The following ATP6V0E1 variants were observed in gnomAD, a reference collection of about 807,000 sequenced individuals.
ATP6V0E1 encodes V-type proton ATPase subunit e 1.
In ATP6V0E1, 4 loss-of-function variants were observed where a neutral mutation model predicts 11.6. That is an observed-to-expected ratio of 0.35 (90% CI 0.17 to 0.79). The LOEUF (loss-of-function observed/expected upper bound fraction) is 0.79, where lower values mean the gene tolerates loss of function less well. Ranked by LOEUF, ATP6V0E1 falls within the 30% of genes least tolerant of loss-of-function variation. ATP6V0E1 has a pLI of 0.54. For synonymous variants in ATP6V0E1, 36 were observed against 34.8 expected (o/e 1.04, Z -0.13); for missense variants, 105 against 100.0 (o/e 1.05, Z -0.21).
At chr5:173,003,603 G>A (rs1192987884) in intron 2 of ATP6V0E1, among the ~76,000 whole-genome samples, 1 of 152,188 alleles carries the variant, frequency 6.6e-6, no homozygotes, top group Non-Finnish European at 1.5e-5. Flanking sequence ...GATCACCATG[G>A]TTTGGTCTGA....
At chr5:173,012,760 A>AC (rs1329117151) in intron 2 of ATP6V0E1, among the ~76,000 whole-genome samples, 10 of 152,158 alleles carry the variant, frequency 6.6e-5, no homozygotes, top group Non-Finnish European at 1.3e-4. Context: ...ATCTCAAAAA[A>AC]AAAAAAAAGA....
In ATP6V0E1 at chr5:173,030,441, GTTTTTTT is replaced by G. The variant is rs60654421; in HGVS notation, c.*37-3947_*37-3941del. Among the ~76,000 whole-genome samples the G allele has an allele frequency of 1.5e-3, 190 of 127,554 alleles. 1 individual carries two copies. In the East Asian group the frequency reaches 0.036, roughly 24 times the overall value. The allele number at this position is 127,554 out of a possible 152,430, so 83.7% of individuals were successfully genotyped here. On this transcript the variant is annotated intron_variant, in intron 3 of 3. Transcript: ENST00000519374. ...ATGTTATCTTCATTGTCAGTTTTTT[GTTTTTTT>G]TTTTTTTTTTGAAACAGAGTCTCAC...
intron 1 of ATP6V0E1, chr5:172,987,053 T>C: frequency 5.6e-6 from 1 of 179,476 alleles, no homozygotes; most frequent in Non-Finnish European, 1.2e-5. Flanking sequence ...CCCAAAGTGC[T>C]AGAATTACAG....
chr5:172,987,707 C>T (rs552567809), intron 1 of ATP6V0E1, among the ~76,000 whole-genome samples: 12 of 151,012 alleles, frequency 7.9e-5, no homozygotes, highest in Admixed American at 7.9e-4. Context: ...ACACATTGTA[C>T]AGCTATATAA....
chr5:173,025,547 G>T (rs1182268308), intron 3 of ATP6V0E1, among the ~76,000 whole-genome samples: 1 of 103,522 alleles, frequency 9.7e-6, no homozygotes, highest in Non-Finnish European at 1.7e-5. Flanking sequence ...CATGGTCTCT[G>T]TCACCCAGGC....
chr5:173,008,610 C>G (rs1000025058), intron 2 of ATP6V0E1, among the ~76,000 whole-genome samples: 2 of 143,980 alleles, frequency 1.4e-5, no homozygotes, highest in African/African-American at 5.0e-5. Flanking sequence ...AGTCCTTTTC[C>G]TTTTAAGAAC....
rs545439986 is a variant in ATP6V0E1, at chr5:173,016,479, GGGA to G, written c.153-3754_153-3752del. The stretch of plus-strand genomic sequence containing the variant: ...CCTGAGTGATTATAATTTGCAGCTG[GGGA>G]GGAGAACCACTCCGCTACAACATCC... On this transcript the variant is annotated intron_variant, in intron 2 of 3. Coordinates refer to ENST00000519374, the MANE Select transcript of ATP6V0E1 (RefSeq NM_003945.4). Among the ~76,000 whole-genome samples the G allele has an allele frequency of 1.4e-4, 22 of 152,304 alleles. No individual in the cohort carries two copies. The East Asian group carries it at 3.9e-3, about 27-fold the overall frequency.
chr5:173,029,667 G>C (rs1756618381), intron 3 of ATP6V0E1, among the ~76,000 whole-genome samples: 1 of 151,994 alleles, frequency 6.6e-6, no homozygotes, highest in Admixed American at 6.6e-5. Flanking sequence ...TTTTTGTTTT[G>C]TTTTGTTTTG....
At chr5:173,019,132 T>G (rs1756443643) in intron 2 of ATP6V0E1, among the ~76,000 whole-genome samples, 1 of 152,128 alleles carries the variant, frequency 6.6e-6, no homozygotes, top group Admixed American at 6.5e-5. Context: ...TTTTAAAATT[T>G]TTTTATAGAG....
intron 3 of ATP6V0E1, among the ~76,000 whole-genome samples, chr5:173,021,089 G>T (rs1044076836): frequency 1.3e-5 from 2 of 152,106 alleles, no homozygotes; most frequent in African/African-American, 4.8e-5. Context: ...TTTGGCTTCT[G>T]GTGAGGCCTC....
At chr5:173,020,046 A>G (rs1231920853) in intron 2 of ATP6V0E1, among the ~76,000 whole-genome samples, 192 bp from the exon 3 acceptor site, 5 of 152,174 alleles carry the variant, frequency 3.3e-5, no homozygotes. Context: ...ATGTCTCAAG[A>G]TGAAGGCAGG....
intron 3 of ATP6V0E1, among the ~76,000 whole-genome samples, chr5:173,026,002 A>T (rs577091856): frequency 1.0e-4 from 15 of 144,070 alleles, no homozygotes; most frequent in South Asian, 4.3e-4. Context: ...AAATAATAAT[A>T]TTTTTTTTTT....
chr5:173,008,909 T>G (rs1221673776), intron 2 of ATP6V0E1, among the ~76,000 whole-genome samples: 1 of 45,926 alleles, frequency 2.2e-5, no homozygotes, highest in African/African-American at 1.2e-4. Flanking sequence ...AGACTCTGTC[T>G]CAAAAAAAAA....
rs1040256913 is a variant in ATP6V0E1, at chr5:173,035,059, T to C, written c.*697T>C. ...GTAAGTGCGTTTCTTAATCGTTCAG[T>C]AACTATTTGAGTGCCTACTGCAGCC... On this transcript the variant is annotated 3_prime_UTR_variant, in exon 4 of 4. Coordinates refer to ENST00000519374, the MANE Select transcript of ATP6V0E1 (RefSeq NM_003945.4). The C allele has an allele frequency of 6.5e-5, 10 of 152,810 alleles. No homozygotes were observed. Among genetic ancestry groups the C allele is most frequent in the African/African-American group, 2.2e-4 (9 of 41,590 alleles). 9.5% of individuals were successfully genotyped at this position (152,810 alleles called of 1,614,324 possible). A position where few individuals can be genotyped will look rare whatever the true frequency, so the allele number is the denominator to read the frequency against.
At chr5:173,030,260 A>G (rs1756628769) in intron 3 of ATP6V0E1, among the ~76,000 whole-genome samples, 2 of 152,148 alleles carry the variant, frequency 1.3e-5, no homozygotes, top group South Asian at 4.2e-4. Context: ...ATCTCCTACA[A>G]TATATAGCCT....
chr5:173,034,497 A>G lies in ATP6V0E1; in HGVS notation c.*135A>G. On this transcript the variant is annotated 3_prime_UTR_variant, in exon 4 of 4. Coordinates refer to ENST00000519374, the MANE Select transcript of ATP6V0E1 (RefSeq NM_003945.4). ...TGGCCATTAGCTGCCTTAAACGTTAACAGCACATTTGAATGCCTTATTCTA... is the reference window on the plus strand; with the variant it reads ...TGGCCATTAGCTGCCTTAAACGTTAGCAGCACATTTGAATGCCTTATTCTA... 1 of 700,620 alleles carries G rather than the reference A, an allele frequency of 1.4e-6. No homozygotes were observed. Among genetic ancestry groups the G allele is most frequent in the Non-Finnish European group, 2.6e-6 (1 of 383,008 alleles). The allele number at this position is 700,620 out of a possible 1,614,324, so 43.4% of individuals were successfully genotyped here. A position where few individuals can be genotyped will look rare whatever the true frequency, so the allele number is the denominator to read the frequency against.
In ATP6V0E1 at chr5:173,008,302, C is replaced by CTT. The variant is rs1219833765; in HGVS notation, c.153-11921_153-11920dup. On this transcript the variant is annotated intron_variant, in intron 2 of 3. Coordinates refer to ENST00000519374, the MANE Select transcript of ATP6V0E1 (RefSeq NM_003945.4). ...TGTTCCTTTTTTTTTCTTTTCTTTTCTTTTTTTTTTTTTTTTGAGACAGAG... is the reference window on the plus strand; with the variant it reads ...TGTTCCTTTTTTTTTCTTTTCTTTTCTTTTTTTTTTTTTTTTTTGAGACAGAG... Among the ~76,000 whole-genome samples, 297 of 132,482 alleles carry CTT rather than the reference C, an allele frequency of 2.2e-3. 1 individual carries two copies. Among genetic ancestry groups the CTT allele is most frequent in the African/African-American group, 7.1e-3 (256 of 35,980 alleles). 86.9% of individuals were successfully genotyped at this position (132,482 alleles called of 152,430 possible). A position where few individuals can be genotyped will look rare whatever the true frequency, so the allele number is the denominator to read the frequency against.
intron 2 of ATP6V0E1, among the ~76,000 whole-genome samples, chr5:173,006,130 T>G (rs952536907): frequency 1.5e-5 from 2 of 134,606 alleles, no homozygotes; most frequent in Middle Eastern, 3.4e-3. Context: ...CTTATTGTGG[T>G]TTTTTTTTGT....
intron 1 of ATP6V0E1, among the ~76,000 whole-genome samples, chr5:172,994,375 A>G (rs999102021): frequency 2.6e-5 from 4 of 152,158 alleles, no homozygotes; most frequent in Non-Finnish European, 5.9e-5. Context: ...TTCAGACATG[A>G]ATGGAGATTG....
Sources: gnomAD v4.1 joint callset for allele counts (sites outside exome capture counted in the v4.1 genomes callset) on GRCh38, gnomAD v4.1.1 for gene constraint, MANE v1.5 for transcripts, NCBI Gene and HGNC (gene_info 2026-07-23, HGNC 2026-07-21) for gene names.